Variants in TMEM108 observed in about 807,000 individuals in gnomAD.
The protein encoded by TMEM108 is cancer/testis antigen 124.
Under a neutral mutation model 35.1 loss-of-function variants are expected in TMEM108, and 12 were observed. That is an observed-to-expected ratio of 0.34 (90% CI 0.22 to 0.55). The LOEUF (loss-of-function observed/expected upper bound fraction) is 0.55, where lower values mean the gene tolerates loss of function less well. TMEM108 is among the 20% of genes least tolerant of loss of function. TMEM108 has a pLI of 0.89. For synonymous variants in TMEM108, 287 were observed against 308.6 expected (o/e 0.93, Z 0.73); for missense variants, 680 against 753.3 (o/e 0.90, Z 1.14).
At chr3:133,283,751 G>A (rs550047898) in intron 3 of TMEM108, among the ~76,000 whole-genome samples, 2 of 152,314 alleles carry the variant, frequency 1.3e-5, no homozygotes, top group South Asian at 2.1e-4. Context: ...GTGAGATAGC[G>A]CATGCGAACT....
chr3:133,344,734 C>A (rs2071764913), intron 3 of TMEM108, among the ~76,000 whole-genome samples: 1 of 151,368 alleles, frequency 6.6e-6, no homozygotes, highest in East Asian at 1.9e-4. Context: ...TAAGGCAAAA[C>A]AAAAAAATTT....
At chr3:133,373,563 C>G (rs546967191) in intron 3 of TMEM108, among the ~76,000 whole-genome samples, 177 of 152,232 alleles carry the variant, frequency 1.2e-3, no homozygotes, top group Non-Finnish European at 2.2e-3. Flanking sequence ...TTTGTTGGGC[C>G]TCAGCTTTCT....
chr3:133,076,539 G>A (rs546289612), intron 2 of TMEM108, among the ~76,000 whole-genome samples: 19 of 152,240 alleles, frequency 1.2e-4, no homozygotes, highest in Non-Finnish European at 2.5e-4. Context: ...GGAGATAAAA[G>A]GAAGAGAAAA....
rs149157416 is a variant in TMEM108, at chr3:133,144,793, G to A, written c.-46-84473G>A. Among the ~76,000 whole-genome samples, 1,135 of 152,110 alleles carry A rather than the reference G, an allele frequency of 7.5e-3. 14 individuals are homozygous for A. The highest frequency in any genetic ancestry group is 0.025 in the African/African-American group (1,046 of 41,460). On this transcript the variant is annotated intron_variant, in intron 2 of 5. Coordinates refer to ENST00000321871, the MANE Select transcript of TMEM108 (RefSeq NM_023943.4). ...TTAGAAGTGTCTGTTCATGTCCTTC[G>A]CCCACTTTTTGATGGGGTTGTTTGT...
chr3:133,367,523 A>G (rs962127049), intron 3 of TMEM108, among the ~76,000 whole-genome samples: 1 of 152,254 alleles, frequency 6.6e-6, no homozygotes, highest in African/African-American at 2.4e-5. Context: ...AGGCAGTCTC[A>G]CAAGGATGCA....
chr3:133,202,756 G>A (rs1020046547), intron 2 of TMEM108, among the ~76,000 whole-genome samples: 2 of 152,158 alleles, frequency 1.3e-5, no homozygotes, highest in African/African-American at 4.8e-5. Context: ...TTTTTGCTTA[G>A]GATTGTCTTG....
intron 2 of TMEM108, among the ~76,000 whole-genome samples, chr3:133,201,606 C>T (rs1945666770): frequency 6.6e-6 from 1 of 152,160 alleles, no homozygotes; most frequent in Non-Finnish European, 1.5e-5. Flanking sequence ...CAGCTTCAGC[C>T]ATATCCCTGT....
At chr3:133,040,565 G>A (rs1421906541) in intron 1 of TMEM108, among the ~76,000 whole-genome samples, 1 of 152,050 alleles carries the variant, frequency 6.6e-6, no homozygotes, top group Non-Finnish European at 1.5e-5. Context: ...GGGTGAGGTA[G>A]GTGGCATAGT....
At chr3:133,331,313 A>G (rs1429089837) in intron 3 of TMEM108, among the ~76,000 whole-genome samples, 8 of 152,194 alleles carry the variant, frequency 5.3e-5, no homozygotes, top group Non-Finnish European at 1.2e-4. Context: ...TAATGAAAAA[A>G]TGCTGGTTAC....
chr3:133,101,409 C>T (rs758882094), intron 2 of TMEM108, among the ~76,000 whole-genome samples: 5 of 152,196 alleles, frequency 3.3e-5, no homozygotes, highest in Non-Finnish European at 7.4e-5. Context: ...ATATTTCCAA[C>T]GTGATCCTTC....
intron 3 of TMEM108, among the ~76,000 whole-genome samples, chr3:133,341,865 A>G (rs887566045): frequency 6.6e-6 from 1 of 151,896 alleles, no homozygotes; most frequent in Admixed American, 6.6e-5. Context: ...ATCTTTCACC[A>G]TATTACAAAA....
intron 2 of TMEM108, among the ~76,000 whole-genome samples, chr3:133,209,525 C>T (rs1945805959): frequency 1.3e-5 from 2 of 152,098 alleles, no homozygotes; most frequent in South Asian, 2.1e-4. Flanking sequence ...CAGCCCCAGC[C>T]CCTCCTATTA....
At chr3:133,333,172 T>A (rs977204958) in intron 3 of TMEM108, among the ~76,000 whole-genome samples, 1 of 152,180 alleles carries the variant, frequency 6.6e-6, no homozygotes, top group Non-Finnish European at 1.5e-5. Flanking sequence ...AGCCATACAC[T>A]GGCTATTAAA....
intron 2 of TMEM108, among the ~76,000 whole-genome samples, chr3:133,077,428 C>T (rs1943756039): frequency 6.6e-6 from 1 of 152,054 alleles, no homozygotes; most frequent in African/African-American, 2.4e-5. Context: ...GATAGGGCGT[C>T]CAGGCTACCT....
At chr3:133,132,160 A>T (rs1448225572) in intron 2 of TMEM108, among the ~76,000 whole-genome samples, 1 of 152,230 alleles carries the variant, frequency 6.6e-6, no homozygotes, top group Non-Finnish European at 1.5e-5. Flanking sequence ...AGCTGCAGCA[A>T]GTTATCTAGA....
intron 3 of TMEM108, among the ~76,000 whole-genome samples, chr3:133,308,360 C>G (rs1024818454): frequency 2.0e-5 from 3 of 152,126 alleles, no homozygotes; most frequent in Admixed American, 2.0e-4. Context: ...ATTTCTTTCT[C>G]TTGCGTGATT....
chr3:133,312,810 C>T (rs943650428), intron 3 of TMEM108, among the ~76,000 whole-genome samples: 7 of 152,190 alleles, frequency 4.6e-5, no homozygotes, highest in Non-Finnish European at 1.0e-4. Flanking sequence ...TCTTCTGCAT[C>T]GATCACGCTG....
intron 5 of TMEM108, 97 bp from the exon 6 acceptor site, chr3:133,395,767 G>C (rs1410153049): frequency 7.7e-7 from 1 of 1,295,144 alleles, no homozygotes; most frequent in Non-Finnish European, 1.0e-6. Flanking sequence ...CAAGCCATCA[G>C]TGCTGAAATA....
intron 3 of TMEM108, among the ~76,000 whole-genome samples, chr3:133,369,125 C>T (rs531929560): frequency 6.6e-6 from 1 of 152,324 alleles, no homozygotes. Context: ...CCACTGACCC[C>T]AAGCCCATGG....
Sources: gnomAD v4.1 joint callset for allele counts (sites outside exome capture counted in the v4.1 genomes callset) on GRCh38, gnomAD v4.1.1 for gene constraint, MANE v1.5 for transcripts, NCBI Gene and HGNC (gene_info 2026-07-23, HGNC 2026-07-21) for gene names.